Variants in KLHL22 observed in about 807,000 individuals in gnomAD.
The protein encoded by KLHL22 is kelch-like protein 22.
In KLHL22, 18 loss-of-function variants were observed where a neutral mutation model predicts 60.7. That is an observed-to-expected ratio of 0.30 (90% CI 0.20 to 0.44). The LOEUF is 0.44. KLHL22 is among the 20% of genes least tolerant of loss of function. KLHL22 has a pLI of 1.00. For synonymous variants in KLHL22, 355 were observed against 354.5 expected (o/e 1.00, Z -0.01); for missense variants, 596 against 852.3 (o/e 0.70, Z 3.74).
chr22:20,450,051 C>T lies in KLHL22; in HGVS notation c.1306-3375G>A, dbSNP rs139339079. 5.0e-4 allele frequency: 337 copies of T among 680,584 alleles called. 1 individual carries two copies. The highest frequency in any genetic ancestry group is 4.9e-4 in the Non-Finnish European group (181 of 366,298). 42.2% of individuals were successfully genotyped at this position (680,584 alleles called of 1,614,324 possible). ...CACAGGCTGGGGACAGGCCCTGGCG[C>T]GGCTGTGTGGGATCAGAAGCAGAGT... On this transcript the variant is annotated intron_variant, in intron 5 of 6. Coordinates refer to ENST00000328879, the MANE Select transcript of KLHL22 (RefSeq NM_032775.4).
chr22:20,478,205 AT>A (rs68060846), intron 2 of KLHL22, among the ~76,000 whole-genome samples: 10,264 of 144,578 alleles, frequency 0.071, 760 homozygotes, highest in East Asian at 0.45. Context: ...ACCAAATTTA[AT>A]TTTTTTTTTT....
chr22:20,474,163 C>A (rs1438849199), intron 2 of KLHL22, among the ~76,000 whole-genome samples: 1 of 152,048 alleles, frequency 6.6e-6, no homozygotes, highest in Non-Finnish European at 1.5e-5. Context: ...CCACGCCCAG[C>A]TAATTTTTTG....
At chr22:20,463,353 C>G (rs1277158997) in intron 4 of KLHL22, among the ~76,000 whole-genome samples, 2 of 152,218 alleles carry the variant, frequency 1.3e-5, no homozygotes, top group Non-Finnish European at 2.9e-5. Context: ...AATTCAGACT[C>G]CTACTTTAAG....
chr22:20,446,044 T>A (rs185109175), intron 6 of KLHL22, among the ~76,000 whole-genome samples: 30 of 152,348 alleles, frequency 2.0e-4, no homozygotes, highest in African/African-American at 7.2e-4. Flanking sequence ...TACAGGCATG[T>A]GCCACCACAT....
At chr22:20,487,701 A>AG (rs979193436) in intron 2 of KLHL22, among the ~76,000 whole-genome samples, 1 of 152,112 alleles carries the variant, frequency 6.6e-6, no homozygotes, top group African/African-American at 2.4e-5. Context: ...GGTTTACCCA[A>AG]GGGGGGCTGT....
At chr22:20,447,779 G>A (rs1475031760) in intron 5 of KLHL22, among the ~76,000 whole-genome samples, 1 of 152,144 alleles carries the variant, frequency 6.6e-6, no homozygotes, top group Non-Finnish European at 1.5e-5. Context: ...CTGACCTCGT[G>A]ACCCACCTGC....
chr22:20,469,566 CA>C (rs1569135579), intron 3 of KLHL22, among the ~76,000 whole-genome samples: 1 of 152,076 alleles, frequency 6.6e-6, no homozygotes, highest in African/African-American at 2.4e-5. Flanking sequence ...AATAAAAGAA[CA>C]GGGGGAAATT....
chr22:20,450,832 G>T, intron 5 of KLHL22: 1 of 1,564,138 alleles, frequency 6.4e-7, no homozygotes, highest in Non-Finnish European at 8.8e-7. Flanking sequence ...AATAGATGCT[G>T]AGCCTTTCAT....
chr22:20,483,757 C>A, intron 2 of KLHL22: 1 of 738,336 alleles, frequency 1.4e-6, no homozygotes, highest in Non-Finnish European at 2.5e-6. Context: ...CCCTTCTTCT[C>A]CAAGTGCTTC....
intron 2 of KLHL22, among the ~76,000 whole-genome samples, chr22:20,475,611 G>C (rs1443698938): frequency 6.6e-6 from 1 of 151,576 alleles, no homozygotes; most frequent in Non-Finnish European, 1.5e-5. Flanking sequence ...GCCCAAGCTG[G>C]AGTGCAGCAG....
At chr22:20,462,764 G>T (rs536174292) in intron 4 of KLHL22, among the ~76,000 whole-genome samples, 1 of 152,152 alleles carries the variant, frequency 6.6e-6, no homozygotes, top group Non-Finnish European at 1.5e-5. Flanking sequence ...ATGGCTATGG[G>T]AAAGGTACAA....
At chr22:20,472,814 G>T (rs1021263414) in intron 2 of KLHL22, among the ~76,000 whole-genome samples, 2 of 152,196 alleles carry the variant, frequency 1.3e-5, no homozygotes, top group South Asian at 4.1e-4. Context: ...AGAGGGGTAG[G>T]TGGAATGATG....
chr22:20,495,150 C>A lies in KLHL22; in HGVS notation c.-34+610G>T, dbSNP rs2053749109. Among the ~76,000 whole-genome samples, 3 of 152,352 alleles carry A rather than the reference C, an allele frequency of 2.0e-5. No individual in the cohort carries two copies. The highest frequency in any genetic ancestry group is 3.4e-3 in the Middle Eastern group (1 of 294). Reference sequence around the variant, plus strand: ...GGAGCCCAGGCGGAAGGTGGCGGTGCCCCGCTGCCCGCCCCAGATCCACTC... The same window carrying A: ...GGAGCCCAGGCGGAAGGTGGCGGTGACCCGCTGCCCGCCCCAGATCCACTC... On this transcript the variant is annotated intron_variant, in intron 1 of 6. Coordinates refer to ENST00000328879, the MANE Select transcript of KLHL22 (RefSeq NM_032775.4). This position sits in a 1 kb window ranked among gnomAD's most constrained non-coding sequence, Gnocchi z 4.6.
At chr22:20,467,778 C>T (rs1281486135) in intron 3 of KLHL22, among the ~76,000 whole-genome samples, 1 of 152,172 alleles carries the variant, frequency 6.6e-6, no homozygotes, top group Non-Finnish European at 1.5e-5. Flanking sequence ...CCCACCTCAG[C>T]CTCCCAAGTA....
chr22:20,450,897 G>A, intron 5 of KLHL22: 2 of 1,612,690 alleles, frequency 1.2e-6, no homozygotes, highest in East Asian at 4.5e-5. Context: ...AGTTTCATCT[G>A]AGGCCTGAAC....
At position 20,482,879 on chromosome 22, in the gene KLHL22, G is replaced by T. The variant is rs1364470813; in HGVS notation, c.227+6106C>A. ...CACTTTGCCATCCATTATCTGGCAGGTGGTGGTCTTTTGGATGGTTTGCAT... is the reference window on the plus strand; with the variant it reads ...CACTTTGCCATCCATTATCTGGCAGTTGGTGGTCTTTTGGATGGTTTGCAT... On this transcript the variant is annotated intron_variant, in intron 2 of 6. Transcript: ENST00000328879. The T allele has an allele frequency of 1.6e-5, 19 of 1,221,804 alleles. No homozygotes were observed. The Admixed American group carries it at 3.2e-4, about 21-fold the overall frequency. The allele number at this position is 1,221,804 out of a possible 1,614,324, so 75.7% of individuals were successfully genotyped here.
At chr22:20,476,046 G>T (rs1461239844) in intron 2 of KLHL22, among the ~76,000 whole-genome samples, 1 of 152,164 alleles carries the variant, frequency 6.6e-6, no homozygotes, top group African/African-American at 2.4e-5. Flanking sequence ...AAACATCTAG[G>T]TTAATGTAGA....
intron 3 of KLHL22, among the ~76,000 whole-genome samples, chr22:20,466,372 TAAAAAAAAAAAAAAAA>T (rs361874): frequency 4.2e-5 from 3 of 70,604 alleles, no homozygotes; most frequent in Non-Finnish European, 7.7e-5. Flanking sequence ...AGACTCCGTC[TAAAAAAAAAAAAAAAA>T]AAAAAAAAAG....
At position 20,495,336 on chromosome 22, in the gene KLHL22, G is replaced by C. The variant is rs538031729; in HGVS notation, c.-34+424C>G. Among the ~76,000 whole-genome samples, 86 of 152,322 alleles carry C rather than the reference G, an allele frequency of 5.6e-4. No homozygotes were observed. The highest frequency in any genetic ancestry group is 2.0e-3 in the African/African-American group (85 of 41,574). On this transcript the variant is annotated intron_variant, in intron 1 of 6. Transcript: ENST00000328879. The surrounding 1 kb of genome is among the most constrained non-coding windows in gnomAD (Gnocchi z 4.6). ...CTGCAGTCCCCGGGCCCGATCGAGG[G>C]AACTGAGGCTCGTCAGGCCGGCCCC...
Sources: gnomAD v4.1 joint callset for allele counts (sites outside exome capture counted in the v4.1 genomes callset) on GRCh38, gnomAD v4.1.1 for gene constraint, Gnocchi (gnomAD v3.1) non-coding constraint, MANE v1.5 for transcripts, NCBI Gene and HGNC (gene_info 2026-07-23, HGNC 2026-07-21) for gene names.